Variants in FRMPD4 observed in about 807,000 individuals in gnomAD.
FRMPD4 encodes FERM and PDZ domain containing 4, also known as FERM and PDZ domain-containing protein 4.
Under a neutral mutation model 94.1 loss-of-function variants are expected in FRMPD4, and 22 were observed. The ratio of observed to expected loss-of-function variants is 0.23; its 90% confidence interval spans 0.17 to 0.33. The LOEUF is 0.33. FRMPD4 is among the 10% of genes least tolerant of loss of function. The pLI, the probability that FRMPD4 is intolerant of heterozygous loss-of-function variation, is 1.00. For synonymous variants in FRMPD4, 631 were observed against 548.6 expected, an observed-to-expected ratio of 1.15 and a Z score of -2.10; for missense variants, 1,111 against 1,339.9, an observed-to-expected ratio of 0.83 and a Z score of 2.67.
Position 12,066,955 on chromosome X carries a change from C to T in FRMPD4, c.95+188937C>T, listed in dbSNP as rs956163390. 6.5e-5 allele frequency among the ~76,000 whole-genome samples: 7 copies of T among 107,136 alleles called. No individual in the cohort carries two copies. The East Asian group carries it at 2.1e-3, about 33-fold the overall frequency. The allele number at this position is 107,136 out of a possible 115,157, so 93.0% of individuals were successfully genotyped here. On this transcript the variant is annotated intron_variant, in intron 3 of 18. Coordinates refer to the FRMPD4 transcript ENST00000640291. ...TGTGATCTCGCCTCACTGAAACCTCCGCCTCCTGGGTTCAAGCTATTCTCC... is the reference window on the plus strand; with the variant it reads ...TGTGATCTCGCCTCACTGAAACCTCTGCCTCCTGGGTTCAAGCTATTCTCC...
rs753769697 is a variant in FRMPD4, at chrX:12,710,554, C to G, written c.1609+17C>G. ...AGGAAACAGGTATTCTCTTCCTGAACTCATCAAGCACTGACCTCCCTGCAA... is the reference window on the plus strand; with the variant it reads ...AGGAAACAGGTATTCTCTTCCTGAAGTCATCAAGCACTGACCTCCCTGCAA... On this transcript the variant is annotated intron_variant, in intron 14 of 16. Coordinates refer to ENST00000675598, the MANE Select transcript of FRMPD4 (RefSeq NM_001368397.1). 2 of 1,188,915 alleles carry G rather than the reference C, an allele frequency of 1.7e-6. No homozygotes were observed. The highest frequency in any genetic ancestry group is 4.4e-5 in the Admixed American group (2 of 45,651).
intron 1 of FRMPD4, among the ~76,000 whole-genome samples, chrX:12,347,944 A>G (rs2055740241): frequency 8.9e-6 from 1 of 112,015 alleles, no homozygotes; most frequent in South Asian, 3.7e-4. Context: ...AAATAATACC[A>G]TCAATTTTCA....
At chrX:12,468,902 A>G (rs1442154461) in intron 1 of FRMPD4, among the ~76,000 whole-genome samples, 1 of 112,457 alleles carries the variant, frequency 8.9e-6, no homozygotes, top group African/African-American at 3.2e-5. Context: ...CCAGTTTCAC[A>G]TTGTACAGGG....
At chrX:12,089,371 T>C (rs1312875912) in intron 3 of FRMPD4, among the ~76,000 whole-genome samples, 1 of 111,977 alleles carries the variant, frequency 8.9e-6, no homozygotes, top group Non-Finnish European at 1.9e-5. Flanking sequence ...TTTGTAGATA[T>C]TGCTAATCAC....
At chrX:12,326,259 T>C (rs912943603) in intron 1 of FRMPD4, among the ~76,000 whole-genome samples, 1 of 112,207 alleles carries the variant, frequency 8.9e-6, no homozygotes, top group African/African-American at 3.2e-5. Flanking sequence ...CTGCCCCATC[T>C]ATTTTAGATC....
intron 3 of FRMPD4, among the ~76,000 whole-genome samples, chrX:12,046,843 T>C (rs1036130560): frequency 9.0e-6 from 1 of 111,177 alleles, no homozygotes; most frequent in Non-Finnish European, 1.9e-5. Flanking sequence ...ATGAAACCAT[T>C]GGCTATTTGT....
intron 4 of FRMPD4, among the ~76,000 whole-genome samples, chrX:12,659,419 A>G (rs2059692668): frequency 8.9e-6 from 1 of 112,494 alleles, no homozygotes. Flanking sequence ...TGTTTTATTT[A>G]TTGATGTAGC....
chrX:12,067,608 G>A (rs1396492300), intron 3 of FRMPD4, among the ~76,000 whole-genome samples: 3 of 109,238 alleles, frequency 2.7e-5, no homozygotes, highest in Admixed American at 9.8e-5. Flanking sequence ...AGTAGAGACG[G>A]GGTTTCATCA....
intron 2 of FRMPD4, among the ~76,000 whole-genome samples, chrX:12,522,919 A>G (rs981982495): frequency 1.8e-5 from 2 of 111,783 alleles, no homozygotes; most frequent in African/African-American, 3.3e-5. Flanking sequence ...TGATTGTCTA[A>G]TGCCTATTTT....
At chrX:12,339,697 A>G (rs1054089963) in intron 1 of FRMPD4, among the ~76,000 whole-genome samples, 1 of 109,720 alleles carries the variant, frequency 9.1e-6, no homozygotes, top group Non-Finnish European at 1.9e-5. Context: ...GCTCACTGCA[A>G]CCTCCGCCTC....
At chrX:12,720,053 A>AGGAAAG (rs11389537) in intron 16 of FRMPD4, among the ~76,000 whole-genome samples, 1,926 of 41,021 alleles carry the variant, frequency 0.047, 32 homozygotes, top group East Asian at 0.075. Flanking sequence ...AGGAAAGGAA[A>AGGAAAG]GAAAGAAAGA....
At chrX:12,417,449 G>C (rs1394862242) in intron 1 of FRMPD4, among the ~76,000 whole-genome samples, 11 of 107,633 alleles carry the variant, frequency 1.0e-4, no homozygotes, top group African/African-American at 3.7e-4. Context: ...TATGGTGGCA[G>C]GCACCTGTAA....
At chrX:12,477,334 T>C (rs1443711069) in intron 1 of FRMPD4, among the ~76,000 whole-genome samples, 2 of 111,457 alleles carry the variant, frequency 1.8e-5, no homozygotes, top group African/African-American at 6.5e-5. Context: ...GGAATAGCAT[T>C]AGGAGATATA....
At chrX:11,921,370 C>T (rs775128174) in intron 3 of FRMPD4, among the ~76,000 whole-genome samples, 2 of 111,525 alleles carry the variant, frequency 1.8e-5, no homozygotes, top group East Asian at 5.6e-4. Flanking sequence ...GACACCAGTC[C>T]TATTGGATTA....
intron 1 of FRMPD4, among the ~76,000 whole-genome samples, chrX:11,850,735 G>A (rs977957397): frequency 6.2e-5 from 7 of 112,229 alleles, no homozygotes; most frequent in Admixed American, 5.7e-4. Context: ...ATTCTATACA[G>A]GTAAGTACTT....
intron 2 of FRMPD4, among the ~76,000 whole-genome samples, chrX:12,513,300 G>A (rs192896455): frequency 1.2e-4 from 13 of 111,760 alleles, no homozygotes; most frequent in Admixed American, 1.0e-3. Flanking sequence ...CTGTGCCTAC[G>A]TCCTGAATGG....
intron 1 of FRMPD4, among the ~76,000 whole-genome samples, chrX:12,241,161 A>G (rs1044715876): frequency 1.1e-4 from 12 of 112,507 alleles, no homozygotes; most frequent in Non-Finnish European, 1.9e-4. Flanking sequence ...ACAAACATTT[A>G]TCAGCCCACC....
In FRMPD4 at chrX:12,705,154, A is replaced by G. The variant is rs189064273; in HGVS notation, c.1197+669A>G. 1.2e-3 allele frequency among the ~76,000 whole-genome samples: 134 copies of G among 112,212 alleles called. No individual in the cohort carries two copies. The Middle Eastern group carries it at 0.014, about 12-fold the overall frequency. ...CTACCTTTGGAGGGAAGATAAAATT[A>G]TTGCTGTCATTCACCATCATTAGTG... On this transcript the variant is annotated intron_variant, in intron 11 of 16. Coordinates refer to ENST00000675598, the MANE Select transcript of FRMPD4 (RefSeq NM_001368397.1).
chrX:12,071,925 G>A (rs2054971935), intron 3 of FRMPD4, among the ~76,000 whole-genome samples: 1 of 111,574 alleles, frequency 9.0e-6, no homozygotes, highest in Non-Finnish European at 1.9e-5. Context: ...ACTTCCCTAC[G>A]TTTAGATAAA....
Sources: gnomAD v4.1 joint callset for allele counts (sites outside exome capture counted in the v4.1 genomes callset) on GRCh38, gnomAD v4.1.1 for gene constraint, MANE v1.5 for transcripts, NCBI Gene and HGNC (gene_info 2026-07-23, HGNC 2026-07-21) for gene names.